The following REXO2 variants were observed in gnomAD, a reference collection of about 807,000 sequenced individuals.
REXO2 encodes the protein oligoribonuclease, mitochondrial.
In REXO2, 17 loss-of-function variants were observed where a neutral mutation model predicts 30.9. The ratio of observed to expected loss-of-function variants is 0.55; its 90% CI spans 0.38 to 0.82. The LOEUF (loss-of-function observed/expected upper bound fraction) is 0.82. REXO2 is among the 40% of genes least tolerant of loss of function. The probability of loss-of-function intolerance (pLI) is 0.00; values close to 1 mark genes in which losing one functional copy is unlikely to be tolerated. For missense variants in REXO2, 253 were observed against 293.2 expected (o/e 0.86, Z 1.00); for synonymous variants, 105 against 99.6 (o/e 1.05, Z -0.32).
chr11:114,443,772 TC>T, intron 2 of REXO2, 83 bp from the exon 3 acceptor site: 1 of 930,292 alleles, frequency 1.1e-6, no homozygotes, highest in Non-Finnish European at 1.7e-6. Flanking sequence ...GTATATTTAG[TC>T]CTTAAAACAG....
At chr11:114,440,570 T>C in intron 1 of REXO2, 86 bp from the exon 2 acceptor site, 4 of 989,850 alleles carry the variant, frequency 4.0e-6, no homozygotes, top group Non-Finnish European at 6.3e-6. Context: ...CTGACTATGT[T>C]TGAGGGAATT....
At position 114,442,762 on chromosome 11, in the gene REXO2, C is replaced by T. The variant is rs566021383; in HGVS notation, c.232-1094C>T. On this transcript the variant is annotated intron_variant, in intron 2 of 6. Coordinates refer to ENST00000265881, the MANE Select transcript of REXO2 (RefSeq NM_015523.4). ...AAGCTGAGGTGACTTGCTTTAATGC[C>T]GTAGCTACTGTTAACTGCCAGGACT... Among the ~76,000 whole-genome samples the T allele has an allele frequency of 9.2e-5, 14 of 152,174 alleles. No homozygotes were observed. The South Asian group carries it at 2.5e-3, about 27-fold the overall frequency.
At chr11:114,443,086 A>C (rs1946489885) in intron 2 of REXO2, among the ~76,000 whole-genome samples, 1 of 151,524 alleles carries the variant, frequency 6.6e-6, no homozygotes, top group Admixed American at 6.6e-5. Context: ...ATGGTTTTGC[A>C]ATTGTTTTTT....
intron 2 of REXO2, among the ~76,000 whole-genome samples, chr11:114,441,382 T>C (rs1184959014): frequency 6.6e-6 from 1 of 152,238 alleles, no homozygotes; most frequent in African/African-American, 2.4e-5. Context: ...TTTCTGTTAG[T>C]GCACACCCGT....
intron 5 of REXO2, 64 bp downstream of exon 5, chr11:114,446,151 G>C (rs1946508536): frequency 2.1e-6 from 2 of 944,162 alleles, no homozygotes; most frequent in Non-Finnish European, 3.2e-6. Context: ...GAGAATTTGT[G>C]GAAAGTAATT....
chr11:114,441,667 G>A (rs571297452), intron 2 of REXO2: 8 of 697,986 alleles, frequency 1.1e-5, no homozygotes, highest in Admixed American at 2.0e-5. Flanking sequence ...GTTCCTAGAG[G>A]GTAGCATTGA....
intron 5 of REXO2, among the ~76,000 whole-genome samples, chr11:114,446,955 T>TG (rs1946512991): frequency 7.2e-6 from 1 of 138,444 alleles, no homozygotes; most frequent in African/African-American, 2.8e-5. Context: ...TTTTTTTTTT[T>TG]TGAGACGGAG....
At chr11:114,447,462 T>C (rs182705946) in intron 5 of REXO2, among the ~76,000 whole-genome samples, 3 of 152,228 alleles carry the variant, frequency 2.0e-5, no homozygotes, top group East Asian at 1.9e-4. Context: ...AGAGTAGATA[T>C]GGTGGATGGG....
At position 114,439,490 on chromosome 11, in the gene REXO2, C is replaced by G. The variant is rs368409539; in HGVS notation, c.-39C>G. 2 of 1,596,024 alleles carry G rather than the reference C, an allele frequency of 1.3e-6. No individual in the cohort carries two copies. The highest frequency in any genetic ancestry group is 1.1e-5 in the South Asian group (1 of 90,366). On this transcript the variant is annotated 5_prime_UTR_variant, in exon 1 of 7. Transcript: ENST00000265881. The stretch of plus-strand genomic sequence containing the variant: ...GCGACTATTGCGCCTGCGCCAGCGC[C>G]GGCTGCGAGACTGGGGCCGTGGCTG...
chr11:114,439,521 C>G lies in REXO2; in HGVS notation c.-8C>G, dbSNP rs1264440726. On this transcript the variant is annotated 5_prime_UTR_variant, in exon 1 of 7. Coordinates refer to ENST00000265881, the MANE Select transcript of REXO2 (RefSeq NM_015523.4). ...CGAGACTGGGGCCGTGGCTGCTGGTCCCGGGTGATGCTAGGCGGCTCCCTG... is the reference window on the plus strand; with the variant it reads ...CGAGACTGGGGCCGTGGCTGCTGGTGCCGGGTGATGCTAGGCGGCTCCCTG... 1 of 1,604,576 alleles carries G rather than the reference C, an allele frequency of 6.2e-7. No individual in the cohort carries two copies. The highest frequency in any genetic ancestry group is 8.5e-7 in the Non-Finnish European group (1 of 1,179,168).
Position 114,443,865 on chromosome 11 carries a change from C to G in REXO2, c.241C>G (p.Leu81Val), listed in dbSNP as rs1279638790. ...DLNILAEGPN[L>V]IIKQPDELLD... Reference sequence around the variant, plus strand: ...CGTTTCCCATCCACAGGGTCCTAACCTGATTATAAAACAACCAGATGAGTT... The same window carrying G: ...CGTTTCCCATCCACAGGGTCCTAACGTGATTATAAAACAACCAGATGAGTT... The change falls in exon 3 of 7, where the codon CTG (leucine) becomes GTG (valine). Residue 81 changes from leucine (L) to valine (V), a missense_variant. By Grantham distance (32) the Leu-to-Val change is conservative (BLOSUM62 1). Coordinates refer to ENST00000265881, the MANE Select transcript of REXO2 (RefSeq NM_015523.4). 3 of 1,607,358 alleles carry G rather than the reference C, an allele frequency of 1.9e-6. No individual in the cohort carries two copies. The highest frequency in any genetic ancestry group is 2.5e-6 in the Non-Finnish European group (3 of 1,176,748).
At chr11:114,448,255 A>G (rs568897675) in intron 6 of REXO2, among the ~76,000 whole-genome samples, 4 of 152,212 alleles carry the variant, frequency 2.6e-5, no homozygotes, top group African/African-American at 9.6e-5. Context: ...CTACTTTGAC[A>G]CTTGTTATAG....
Position 114,444,538 on chromosome 11 carries a change from C to A in REXO2, c.310-3C>A. The A allele has an allele frequency of 1.3e-6, 2 of 1,599,376 alleles. No individual in the cohort carries two copies. The highest frequency in any genetic ancestry group is 1.7e-6 in the Non-Finnish European group (2 of 1,171,340). ...GTGGGGGGCTGGGGATTCTCTCTTG[C>A]AGTCTGGCCTTACCAAGGCAGTGAA... On this transcript the variant is annotated splice_polypyrimidine_tract_variant and splice_region_variant and intron_variant, in intron 3 of 6. Coordinates refer to ENST00000265881, the MANE Select transcript of REXO2 (RefSeq NM_015523.4).
chr11:114,440,717 C>G lies in REXO2; in HGVS notation c.209C>G (p.Ser70Cys). 1 of 1,613,712 alleles carries G rather than the reference C, an allele frequency of 6.2e-7. No individual in the cohort carries two copies. The highest frequency in any genetic ancestry group is 8.5e-7 in the Non-Finnish European group (1 of 1,179,696). Residue 70 changes from serine to cysteine, a missense_variant, in exon 2 of 7, where the codon TCT (serine) becomes TGT (cysteine). Physicochemically the swap from Ser to Cys is moderately radical, Grantham distance 112. Coordinates refer to ENST00000265881, the MANE Select transcript of REXO2 (RefSeq NM_015523.4). ...GAGATGGCCTGTCTGATAACTGACT[C>G]TGATCTCAACATTTTGGCTGAAGTA... ...IIEMACLITD[S>C]DLNILAEGPN...
chr11:114,448,059 C>T (rs1946520064), intron 6 of REXO2, among the ~76,000 whole-genome samples, 180 bp downstream of exon 6: 1 of 152,092 alleles, frequency 6.6e-6, no homozygotes, highest in Non-Finnish European at 1.5e-5. Flanking sequence ...GTGTTCCATT[C>T]TGAGAGGGTT....
chr11:114,440,975 C>T (rs1946473410), intron 2 of REXO2: 2 of 407,458 alleles, frequency 4.9e-6, no homozygotes, highest in East Asian at 8.8e-5. Flanking sequence ...TTTACAGAAA[C>T]ATAAATTCTG....
chr11:114,446,936 T>TC (rs1946512772), intron 5 of REXO2, among the ~76,000 whole-genome samples: 1 of 107,070 alleles, frequency 9.3e-6, no homozygotes, highest in Admixed American at 8.6e-5. Flanking sequence ...AAGGAGGCTT[T>TC]TTTTTTTTTT....
At position 114,439,695 on chromosome 11, in the gene REXO2, G is replaced by T. The variant is rs1386337313; in HGVS notation, c.147+20G>T. 4 of 1,471,372 alleles carry T rather than the reference G, an allele frequency of 2.7e-6. No homozygotes were observed. In the South Asian group the frequency reaches 5.5e-5, roughly 20 times the overall value. 91.1% of individuals were successfully genotyped at this position (1,471,372 alleles called of 1,614,324 possible). On this transcript the variant is annotated intron_variant, in intron 1 of 6. Coordinates refer to ENST00000265881, the MANE Select transcript of REXO2 (RefSeq NM_015523.4). ...CTGGAGGTGAGTGAGGTCGGCGGGG[G>T]GCTTGGGGAGGCGAGTGAGGTTTCG... is the stretch of plus-strand genomic sequence containing the variant.
In REXO2 at chr11:114,445,825, T is replaced by C. The variant is rs570073447; in HGVS notation, c.422-154T>C. On this transcript the variant is annotated intron_variant, in intron 4 of 6. Transcript: ENST00000265881. ...AATCTGTACTTGTAAGCTAATCACATTTACCCAAACCTGATTTAGAAATAT... is the reference window on the plus strand; with the variant it reads ...AATCTGTACTTGTAAGCTAATCACACTTACCCAAACCTGATTTAGAAATAT... The C allele has an allele frequency of 1.4e-5, 8 of 586,784 alleles. No homozygotes were observed. The South Asian group carries it at 1.6e-4, about 12-fold the overall frequency. 36.3% of individuals were successfully genotyped at this position (586,784 alleles called of 1,614,324 possible). A position where few individuals can be genotyped will look rare whatever the true frequency, so the allele number is the denominator to read the frequency against.
Sources: gnomAD v4.1 joint callset for allele counts (sites outside exome capture counted in the v4.1 genomes callset) on GRCh38, gnomAD v4.1.1 for gene constraint, MANE v1.5 for transcripts, NCBI Gene and HGNC (gene_info 2026-07-23, HGNC 2026-07-21) for gene names.